The following COL5A2 variants were observed in gnomAD, a reference collection of about 807,000 sequenced individuals.
COL5A2 encodes collagen type V alpha 2 chain.
A neutral mutation model predicts 208.2 loss-of-function variants in COL5A2; 23 were observed. The ratio of observed to expected loss-of-function variants is 0.11; its 90% CI spans 0.08 to 0.16. The LOEUF is 0.16. Ranked by LOEUF, COL5A2 falls within the 10% of genes least tolerant of loss-of-function variation. The pLI is 1.00. For missense variants in COL5A2, 1,590 were observed against 1,956.4 expected (o/e 0.81, Z 3.53); for synonymous variants, 625 against 628.5 (o/e 0.99, Z 0.08).
intron 9 of COL5A2, among the ~76,000 whole-genome samples, 196 bp from the exon 10 acceptor site, chr2:189,085,968 T>C (rs1686648780): frequency 6.6e-6 from 1 of 152,210 alleles, no homozygotes; most frequent in African/African-American, 2.4e-5. Flanking sequence ...GTACTTACTT[T>C]ATTAGGCTGT....
At chr2:189,396,836 A>G in the COL5A2 span, among the ~76,000 whole-genome samples, 10 of 151,822 alleles carry the variant, frequency 6.6e-5, no homozygotes, top group African/African-American at 2.4e-4. Flanking sequence ...CTACTAACAT[A>G]CAAAAATTAG....
At chr2:189,224,014 G>C (rs549861263) in intron 1 of COL5A2, among the ~76,000 whole-genome samples, 2 of 151,986 alleles carry the variant, frequency 1.3e-5, no homozygotes, top group South Asian at 2.1e-4. Flanking sequence ...GAAAAATTAC[G>C]TAAAATATAT....
chr2:189,353,009 C>T, the COL5A2 span, among the ~76,000 whole-genome samples: 1 of 152,190 alleles, frequency 6.6e-6, no homozygotes, highest in Non-Finnish European at 1.5e-5. Flanking sequence ...TGGCATATGG[C>T]TAGCCAGTTT....
intron 1 of COL5A2, among the ~76,000 whole-genome samples, chr2:189,196,738 C>A (rs1407938887): frequency 6.6e-6 from 1 of 152,028 alleles, no homozygotes; most frequent in Non-Finnish European, 1.5e-5. Flanking sequence ...AAATCAAAAC[C>A]ACAATGAGAT....
At chr2:189,184,513 C>G (rs1156945805), upstream of COL5A2, among the ~76,000 whole-genome samples, 1 of 152,122 alleles carries the variant, frequency 6.6e-6, no homozygotes, top group Non-Finnish European at 1.5e-5. Context: ...TGGGGAAAAT[C>G]TATTTCCTTG....
Position 189,031,936 on chromosome 2 carries a change from C to A in COL5A2, c.*2134G>T, listed in dbSNP as rs964060790. On this transcript the variant is annotated 3_prime_UTR_variant, in exon 54 of 54. Transcript: ENST00000374866. ...CTTTTATTGGTAGCATTCCCAAAAT[C>A]CAAATAAGAACTGTTATTTCTATAG... is the stretch of plus-strand genomic sequence containing the variant. 7 of 151,986 alleles carry A rather than the reference C, an allele frequency of 4.6e-5. No individual in the cohort carries two copies. The highest frequency in any genetic ancestry group is 3.9e-4 in the Admixed American group (6 of 15,238). 9.4% of individuals were successfully genotyped at this position (151,986 alleles called of 1,614,324 possible).
intron 1 of COL5A2, among the ~76,000 whole-genome samples, chr2:189,212,429 G>A (rs1689225356): frequency 6.6e-6 from 1 of 152,076 alleles, no homozygotes; most frequent in African/African-American, 2.4e-5. Context: ...ACTGAGGTCA[G>A]GAGTTCAAGA....
chr2:189,243,090 A>C, the COL5A2 span, among the ~76,000 whole-genome samples: 1 of 152,196 alleles, frequency 6.6e-6, no homozygotes. Flanking sequence ...GGAAAGGCAA[A>C]GAAAAGAGCA....
In COL5A2 at chr2:189,051,396, C is replaced by T. The variant is rs139264859; in HGVS notation, c.2855G>A (p.Arg952His). 86 of 1,613,940 alleles carry T rather than the reference C, an allele frequency of 5.3e-5. No homozygotes were observed. The highest frequency in any genetic ancestry group is 2.1e-4 in the African/African-American group (16 of 74,924). ...GCCAGCTGGTCCTCGATCTCCCACA[C>T]GCCCATGAGAGCCAGGGTCCCCACG... ...GLRGDPGSHG[R>H]VGDRGPAGPP... Residue 952 changes from arginine to histidine, a missense_variant, in exon 42 of 54, where the codon CGT becomes CAT. Arg to His is a conservative substitution (Grantham distance 29). Coordinates refer to ENST00000374866, the MANE Select transcript of COL5A2 (RefSeq NM_000393.5).
chr2:189,035,098 G>T lies in COL5A2; in HGVS notation c.4171C>A (p.Arg1391Ser), dbSNP rs759098736. Residue 1391 changes from arginine to serine, a missense_variant, in exon 53 of 54, where the codon CGC becomes AGC. Arg to Ser is a moderately radical substitution (Grantham distance 110, BLOSUM62 -1). Transcript: ENST00000374866. ...NTAITQMTFL[R>S]LLSKEASQNI... ...TGGGAGGCTTCTTTTGATAAAAGGC[G>T]CAAAAAAGTCATCTGAGTAATGGCT... 6.2e-7 allele frequency: 1 copy of T among 1,613,634 alleles called. No homozygotes were observed. Among genetic ancestry groups the T allele is most frequent in the Admixed American group, 1.7e-5 (1 of 59,962 alleles).
At chr2:189,415,508 T>C in the COL5A2 span, among the ~76,000 whole-genome samples, 1 of 152,178 alleles carries the variant, frequency 6.6e-6, no homozygotes, top group Non-Finnish European at 1.5e-5. Flanking sequence ...TATTGAAGAA[T>C]TCTGCCTCTC....
At chr2:189,242,705 T>C in the COL5A2 span, among the ~76,000 whole-genome samples, 1 of 152,218 alleles carries the variant, frequency 6.6e-6, no homozygotes, top group Non-Finnish European at 1.5e-5. Context: ...GTATAAACTA[T>C]ATTTTCAAAC....
the COL5A2 span, among the ~76,000 whole-genome samples, chr2:189,248,222 A>G: frequency 3.3e-5 from 5 of 152,244 alleles, no homozygotes; most frequent in African/African-American, 1.2e-4. Context: ...TGTTAGATAC[A>G]GCTGCATATT....
intron 17 of COL5A2, among the ~76,000 whole-genome samples, chr2:189,075,030 A>G (rs1476142119): frequency 2.0e-5 from 3 of 152,118 alleles, no homozygotes; most frequent in African/African-American, 4.8e-5. Flanking sequence ...TCGCCTCTCA[A>G]TCCAATTTTA....
the COL5A2 span, among the ~76,000 whole-genome samples, chr2:189,251,724 C>T: frequency 1.6e-4 from 24 of 150,658 alleles, no homozygotes; most frequent in Middle Eastern, 3.4e-3. Flanking sequence ...GTCTAAAACA[C>T]CAAAAGCAAA....
At chr2:189,221,362 T>C (rs1256422718) in intron 1 of COL5A2, among the ~76,000 whole-genome samples, 4 of 152,120 alleles carry the variant, frequency 2.6e-5, no homozygotes, top group Non-Finnish European at 5.9e-5. Flanking sequence ...CTAATTCTTT[T>C]TGGAAATGGA....
At chr2:189,216,998 AGG>A (rs1689287311) in intron 1 of COL5A2, among the ~76,000 whole-genome samples, 1 of 152,100 alleles carries the variant, frequency 6.6e-6, no homozygotes, top group South Asian at 2.1e-4. Context: ...AAAGAGAGAG[AGG>A]GGGAAAGTGA....
rs199530997 is a variant in COL5A2 at position 189,051,397 on chromosome 2, G to T, written c.2854C>A (p.Arg952Ser). 4 of 1,613,910 alleles carry T rather than the reference G, an allele frequency of 2.5e-6. No homozygotes were observed. Among genetic ancestry groups the T allele is most frequent in the Non-Finnish European group, 3.4e-6 (4 of 1,179,910 alleles). ...GLRGDPGSHG[R>S]VGDRGPAGPP... ...CCAGCTGGTCCTCGATCTCCCACAC[G>T]CCCATGAGAGCCAGGGTCCCCACGA... is the stretch of plus-strand genomic sequence containing the variant. Residue 952 changes from arginine to serine, a missense_variant, in exon 42 of 54, where the codon CGT (arginine) becomes AGT (serine). Arg to Ser is a moderately radical substitution (Grantham distance 110, BLOSUM62 -1). Coordinates refer to ENST00000374866, the MANE Select transcript of COL5A2 (RefSeq NM_000393.5).
upstream of COL5A2, chr2:189,179,857 C>T: frequency 1.6e-6 from 1 of 609,722 alleles, no homozygotes; most frequent in Non-Finnish European, 2.9e-6. Context: ...TCATAACCAT[C>T]CAGTGTCTGC....
Sources: allele counts gnomAD v4.1 joint callset (sites outside exome capture counted in the v4.1 genomes callset), GRCh38; gene constraint gnomAD v4.1.1; transcripts MANE v1.5; gene names NCBI Gene and HGNC (gene_info 2026-07-23, HGNC 2026-07-21).